The following SGK3 variants were observed in gnomAD, a reference collection of about 807,000 sequenced individuals.
The protein encoded by SGK3 is serum/glucocorticoid regulated kinase family member 3.
In SGK3, 47 loss-of-function variants were observed where a neutral mutation model predicts 68.5. The ratio of observed to expected loss-of-function variants is 0.69; its 90% confidence interval spans 0.54 to 0.87. The LOEUF is 0.87. Among genes scored for constraint, SGK3 ranks in the 40% least tolerant of loss-of-function variants. SGK3 has a pLI of 0.00. For missense variants in SGK3, 479 were observed against 575.5 expected (o/e 0.83, Z 1.72); for synonymous variants, 181 against 189.1 (o/e 0.96, Z 0.35).
In SGK3 at chr8:66,822,432, A is replaced by G; in HGVS notation, c.390A>G (p.Glu130=). The change falls in exon 6 of 17, where the codon GAA becomes GAG. Residue 130 remains glutamate, a synonymous_variant. Coordinates refer to ENST00000521198, the MANE Select transcript of SGK3 (RefSeq NM_001033578.3). ...DSPKHQSDPS[E]DEDERSSQKL... ...CAAAACACCAGTCAGATCCATCTGA[A>G]GATGAGGATGAAAGAAGTTCTCAGA... 2 of 1,611,444 alleles carry G rather than the reference A, an allele frequency of 1.2e-6. No homozygotes were observed. The highest frequency in any genetic ancestry group is 8.5e-7 in the Non-Finnish European group (1 of 1,178,694).
chr8:66,798,600 CAG>C lies in SGK3; in HGVS notation c.158_159del (p.Glu53ValfsTer2). On this transcript the variant is annotated frameshift_variant, in exon 3 of 17. Transcript: ENST00000521198. LOFTEE classifies it high-confidence loss of function. The stretch of plus-strand genomic sequence containing the variant: ...GAATGGTTTGTCTTCAGGAGATATG[CAG>C]AGTTTGATAAACTTTATAACACTGT... 1.2e-6 allele frequency: 2 copies of C among 1,610,808 alleles called. No individual in the cohort carries two copies. The highest frequency in any genetic ancestry group is 1.7e-6 in the Non-Finnish European group (2 of 1,178,374).
intron 3 of SGK3, among the ~76,000 whole-genome samples, chr8:66,800,379 C>CTTTTTTTTTTTT (rs35415180): frequency 4.9e-5 from 5 of 102,372 alleles, no homozygotes; most frequent in African/African-American, 7.2e-5. Flanking sequence ...TTTTTCATTT[C>CTTTTTTTTTTTT]TTTTTTTTTT....
At chr8:66,767,964 T>C in intron 1 of SGK3, 1 of 879,450 alleles carries the variant, frequency 1.1e-6, no homozygotes, top group Non-Finnish European at 2.0e-6. Flanking sequence ...CAAGGATGCC[T>C]GGTTCTTCGT....
At position 66,859,795 on chromosome 8, in the gene SGK3, G is replaced by T; in HGVS notation, c.*214G>T. 2.1e-6 allele frequency: 1 copy of T among 481,000 alleles called. No homozygotes were observed. Among genetic ancestry groups the T allele is most frequent in the Non-Finnish European group, 3.3e-6 (1 of 303,126 alleles). 29.8% of individuals were successfully genotyped at this position (481,000 alleles called of 1,614,324 possible). A position where few individuals can be genotyped will look rare whatever the true frequency, so the allele number is the denominator to read the frequency against. On this transcript the variant is annotated 3_prime_UTR_variant, in exon 17 of 17. Coordinates refer to ENST00000521198, the MANE Select transcript of SGK3 (RefSeq NM_001033578.3). ...TAAAATTTATATTCTTGTTTAATAA[G>T]CTTATTTTTAAACAATTTAAAAGCT...
chr8:66,718,453 G>A (rs1021410501), intron 1 of SGK3, among the ~76,000 whole-genome samples: 1 of 138,916 alleles, frequency 7.2e-6, no homozygotes, highest in Non-Finnish European at 1.6e-5. Context: ...TATATTATGT[G>A]TGTGTGTGTG....
At chr8:66,793,591 C>CTTTT in intron 1 of SGK3, 25 bp from the exon 2 acceptor site, 1 of 564,908 alleles carries the variant, frequency 1.8e-6, no homozygotes, top group Non-Finnish European at 2.9e-6. Context: ...TTGCTAATCA[C>CTTTT]TTTTTTTTTT....
chr8:66,856,008 GT>G (rs1203898962), intron 16 of SGK3, among the ~76,000 whole-genome samples: 1 of 151,790 alleles, frequency 6.6e-6, no homozygotes, highest in Non-Finnish European at 1.5e-5. Context: ...CAAAATTAAA[GT>G]TCCAGAACTA....
At chr8:66,781,154 A>C (rs1003040841) in intron 1 of SGK3, among the ~76,000 whole-genome samples, 1 of 152,084 alleles carries the variant, frequency 6.6e-6, no homozygotes, top group African/African-American at 2.4e-5. Context: ...ACAAATGGAA[A>C]AGCTTGGGAG....
chr8:66,804,320 A>C, intron 3 of SGK3, 55 bp from the exon 4 acceptor site: 1 of 1,491,168 alleles, frequency 6.7e-7, no homozygotes, highest in Non-Finnish European at 9.1e-7. Flanking sequence ...TGATGTGTGC[A>C]TAACTAGAAG....
chr8:66,834,144 A>G (rs1186169999), intron 8 of SGK3, among the ~76,000 whole-genome samples: 3 of 152,272 alleles, frequency 2.0e-5, no homozygotes. Flanking sequence ...TGTTTATAGC[A>G]TCATTATTCA....
chr8:66,833,521 A>G (rs772549672), intron 8 of SGK3, among the ~76,000 whole-genome samples: 1 of 152,130 alleles, frequency 6.6e-6, no homozygotes, highest in East Asian at 1.9e-4. Flanking sequence ...CAACATATCA[A>G]TTTCTGCAGA....
At chr8:66,736,091 G>A (rs979394851) in intron 1 of SGK3, among the ~76,000 whole-genome samples, 3 of 152,152 alleles carry the variant, frequency 2.0e-5, no homozygotes, top group Non-Finnish European at 4.4e-5. Context: ...AAGAATGGGG[G>A]CTGTGGACTT....
intron 1 of SGK3, chr8:66,767,461 G>A (rs1302360901): frequency 7.0e-7 from 1 of 1,433,906 alleles, no homozygotes; most frequent in Admixed American, 1.7e-5. Context: ...AATGCTTAAA[G>A]GAGACTGCAA....
chr8:66,784,955 T>A (rs376333293), intron 1 of SGK3, among the ~76,000 whole-genome samples: 16 of 152,314 alleles, frequency 1.1e-4, no homozygotes, highest in South Asian at 6.2e-4. Context: ...TAATTAGCCC[T>A]TGGTTGTCAT....
rs897755174 is a variant in SGK3, at chr8:66,861,968, C to G, written c.*2387C>G. On this transcript the variant is annotated 3_prime_UTR_variant, in exon 17 of 17. Coordinates refer to ENST00000521198, the MANE Select transcript of SGK3 (RefSeq NM_001033578.3). ...TTTAAAATAGAATTTTGATGTTTCTCAGATCACAAGAAATACAAATCTATA... is the reference window on the plus strand; with the variant it reads ...TTTAAAATAGAATTTTGATGTTTCTGAGATCACAAGAAATACAAATCTATA... The G allele has an allele frequency of 6.6e-6, 1 of 151,976 alleles. No homozygotes were observed. The highest frequency in any genetic ancestry group is 1.5e-5 in the Non-Finnish European group (1 of 68,012). The allele number at this position is 151,976 out of a possible 1,614,324, so 9.4% of individuals were successfully genotyped here. A position where few individuals can be genotyped will look rare whatever the true frequency, so the allele number is the denominator to read the frequency against.
chr8:66,849,680 C>T (rs1810183098), intron 15 of SGK3, among the ~76,000 whole-genome samples: 1 of 150,566 alleles, frequency 6.6e-6, no homozygotes. Context: ...ACTGCAGCCT[C>T]AACTTCCCAG....
At chr8:66,824,856 AT>A (rs1319835919) in intron 6 of SGK3, among the ~76,000 whole-genome samples, 2 of 152,218 alleles carry the variant, frequency 1.3e-5, no homozygotes, top group African/African-American at 4.8e-5. Flanking sequence ...TTAAAAAGAT[AT>A]GCAAATACTA....
rs201650887 is a variant in SGK3 at position 66,818,003 on chromosome 8, C to T, written c.329+4075C>T. Among the ~76,000 whole-genome samples the T allele has an allele frequency of 2.0e-5, 3 of 152,210 alleles. No individual in the cohort carries two copies. In the East Asian group the frequency reaches 5.8e-4, roughly 29 times the overall value. On this transcript the variant is annotated intron_variant, in intron 5 of 16. Coordinates refer to ENST00000521198, the MANE Select transcript of SGK3 (RefSeq NM_001033578.3). ...GCATGTGCCGGTAGTCCCAACTGCTCAGGAGGCTGAGGTAGTGAGGTAGGA... is the reference window on the plus strand; with the variant it reads ...GCATGTGCCGGTAGTCCCAACTGCTTAGGAGGCTGAGGTAGTGAGGTAGGA...
At chr8:66,724,452 T>G (rs1205391363) in intron 1 of SGK3, among the ~76,000 whole-genome samples, 1 of 152,196 alleles carries the variant, frequency 6.6e-6, no homozygotes, top group African/African-American at 2.4e-5. Flanking sequence ...GGCGGACACC[T>G]GTAGTCCCAG....
Sources: allele counts gnomAD v4.1 joint callset (sites outside exome capture counted in the v4.1 genomes callset), GRCh38; gene constraint gnomAD v4.1.1; transcripts MANE v1.5; gene names NCBI Gene and HGNC (gene_info 2026-07-23, HGNC 2026-07-21).